The following UHMK1 variants were observed in gnomAD, a reference collection of about 807,000 sequenced individuals.
UHMK1 encodes serine/threonine-protein kinase Kist.
In UHMK1, 18 loss-of-function variants were observed where a neutral mutation model predicts 44.0. That is an observed-to-expected ratio of 0.41 (90% CI 0.28 to 0.61). The LOEUF is 0.61. Among genes scored for constraint, UHMK1 ranks in the 20% least tolerant of loss-of-function variants. The pLI is 0.31. For missense variants in UHMK1, 463 were observed against 522.5 expected (o/e 0.89, Z 1.11); for synonymous variants, 231 against 198.5 (o/e 1.16, Z -1.38).
chr1:162,507,673 G>A (rs1204471634), intron 4 of UHMK1, among the ~76,000 whole-genome samples: 3 of 144,872 alleles, frequency 2.1e-5, no homozygotes, highest in South Asian at 2.2e-4. Flanking sequence ...TGCAAGCTCC[G>A]CCTCCCGGGT....
chr1:162,502,928 AT>A (rs1484996755), intron 3 of UHMK1, among the ~76,000 whole-genome samples: 2 of 139,380 alleles, frequency 1.4e-5, no homozygotes, highest in Non-Finnish European at 3.1e-5. Context: ...TATTTAATAA[AT>A]TTTACTGATA....
chr1:162,499,832 G>C, intron 1 of UHMK1, 123 bp from the exon 2 acceptor site: 1 of 866,566 alleles, frequency 1.2e-6, no homozygotes, highest in Non-Finnish European at 1.7e-6. Context: ...ATAAATTACA[G>C]TGGAAGCTTG....
rs528720863 is a variant in UHMK1 at position 162,509,077 on chromosome 1, G to T, written c.849-3423G>T. Among the ~76,000 whole-genome samples, 4 of 152,182 alleles carry T rather than the reference G, an allele frequency of 2.6e-5. No individual in the cohort carries two copies. In the East Asian group the frequency reaches 5.8e-4, roughly 22 times the overall value. On this transcript the variant is annotated intron_variant, in intron 4 of 7. Transcript: ENST00000489294. ...TGGGATTACAGGCGTGAGCCACCAC[G>T]CACAGTCAGTTATAATCCTTTTTAT... is the stretch of plus-strand genomic sequence containing the variant.
chr1:162,515,912 T>TA (rs1374912600), intron 6 of UHMK1, among the ~76,000 whole-genome samples: 1 of 152,046 alleles, frequency 6.6e-6, no homozygotes, highest in African/African-American at 2.4e-5. Context: ...CGGGCGCCTG[T>TA]AGTCCCAGCT....
At chr1:162,517,778 G>T (rs1006341705) in intron 6 of UHMK1, among the ~76,000 whole-genome samples, 2 of 151,936 alleles carry the variant, frequency 1.3e-5, no homozygotes, top group African/African-American at 4.8e-5. Context: ...CCAGCTACTC[G>T]GGAGGCTGAG....
intron 6 of UHMK1, 103 bp from the exon 7 acceptor site, chr1:162,517,999 A>T (rs1179329880): frequency 5.7e-6 from 4 of 706,668 alleles, no homozygotes; most frequent in African/African-American, 5.4e-5. Context: ...TGACCTCATT[A>T]CTAGTTATGT....
intron 3 of UHMK1, among the ~76,000 whole-genome samples, chr1:162,501,354 G>T (rs1200243289): frequency 6.6e-6 from 1 of 152,122 alleles, no homozygotes; most frequent in African/African-American, 2.4e-5. Flanking sequence ...ATTTTTAGTA[G>T]ACACGGAGTT....
Position 162,501,074 on chromosome 1 carries a change from G to A in UHMK1, c.723G>A (p.Leu241=). The change falls in exon 3 of 8, where the codon CTG becomes CTA. Residue 241 remains leucine, a synonymous_variant. Coordinates refer to ENST00000489294, the MANE Select transcript of UHMK1 (RefSeq NM_175866.5). ...ILLEMFSGMK[L]KHTVRSQEWK... ...TGGAAATGTTCTCAGGAATGAAACT[G>A]AAACATACAGTCAGATCTCAGGAAT... is the stretch of plus-strand genomic sequence containing the variant. 1 of 1,614,036 alleles carries A rather than the reference G, an allele frequency of 6.2e-7. No homozygotes were observed. The highest frequency in any genetic ancestry group is 8.5e-7 in the Non-Finnish European group (1 of 1,180,000).
At chr1:162,506,552 T>A (rs1348807647) in intron 4 of UHMK1, among the ~76,000 whole-genome samples, 1 of 152,200 alleles carries the variant, frequency 6.6e-6, no homozygotes, top group Non-Finnish European at 1.5e-5. Flanking sequence ...ATGTGTCTCA[T>A]CCCAATCTCA....
At chr1:162,497,774 T>G, upstream of UHMK1, 98 of 999,492 alleles carry the variant, frequency 9.8e-5, no homozygotes, top group Non-Finnish European at 1.2e-4. Flanking sequence ...GAGCCCCCCC[T>G]CCTTCGGCCT....
At chr1:162,509,487 C>T (rs1264030219) in intron 4 of UHMK1, among the ~76,000 whole-genome samples, 5 of 152,240 alleles carry the variant, frequency 3.3e-5, no homozygotes, top group Admixed American at 3.3e-4. Context: ...TCTCCAGCAT[C>T]TTGCTGTGCA....
At position 162,524,706 on chromosome 1, in the gene UHMK1, C is replaced by G. The variant is rs1016856405; in HGVS notation, c.*2156C>G. On this transcript the variant is annotated 3_prime_UTR_variant, in exon 8 of 8. Transcript: ENST00000489294. ...CTTCTAAGCCTAGTCCTGCAGTATG[C>G]TGCTAACATCTTGATGCCAATCTTC... 4.6e-5 allele frequency: 7 copies of G among 152,180 alleles called. No homozygotes were observed. Among genetic ancestry groups the G allele is most frequent in the Non-Finnish European group, 1.0e-4 (7 of 68,044 alleles). 9.4% of individuals were successfully genotyped at this position (152,180 alleles called of 1,614,324 possible). A position where few individuals can be genotyped will look rare whatever the true frequency, so the allele number is the denominator to read the frequency against.
At chr1:162,498,389 T>C (rs1651144490) in intron 1 of UHMK1, 121 bp downstream of exon 1, 3 of 1,218,724 alleles carry the variant, frequency 2.5e-6, no homozygotes, top group Non-Finnish European at 2.2e-6. Flanking sequence ...TAGCCCTCTT[T>C]ATCACCCCAT....
intron 7 of UHMK1, among the ~76,000 whole-genome samples, chr1:162,519,680 G>C (rs1025856407): frequency 9.2e-5 from 14 of 152,066 alleles, no homozygotes; most frequent in African/African-American, 3.4e-4. Context: ...TTTATTTTTT[G>C]AGAGATAGAA....
chr1:162,500,427 T>C, intron 2 of UHMK1, 180 bp downstream of exon 2: 1 of 723,718 alleles, frequency 1.4e-6, no homozygotes, highest in Non-Finnish European at 2.2e-6. Context: ...AAAAAGGACA[T>C]AATGTTTGGG....
At chr1:162,508,938 A>G (rs986494358) in intron 4 of UHMK1, among the ~76,000 whole-genome samples, 4 of 152,080 alleles carry the variant, frequency 2.6e-5, no homozygotes, top group East Asian at 1.9e-4. Context: ...GACCACAGGC[A>G]TACACCACCA....
At chr1:162,509,089 A>G (rs1357417496) in intron 4 of UHMK1, among the ~76,000 whole-genome samples, 7 of 152,132 alleles carry the variant, frequency 4.6e-5, no homozygotes, top group Non-Finnish European at 8.8e-5. Flanking sequence ...ACAGTCAGTT[A>G]TAATCCTTTT....
At position 162,497,907 on chromosome 1, in the gene UHMK1, C is replaced by G; in HGVS notation, c.-94C>G. The stretch of plus-strand genomic sequence containing the variant: ...GGCTGCAGGTCCCTCCCTGCGGAGC[C>G]GCTGGTCCGGCTGGCGGAGATGTGA... On this transcript the variant is annotated 5_prime_UTR_variant, in exon 1 of 8. Transcript: ENST00000489294. 7.0e-7 allele frequency: 1 copy of G among 1,429,654 alleles called. No homozygotes were observed. The highest frequency in any genetic ancestry group is 9.1e-7 in the Non-Finnish European group (1 of 1,096,716). The allele number at this position is 1,429,654 out of a possible 1,614,324, so 88.6% of individuals were successfully genotyped here. A position where few individuals can be genotyped will look rare whatever the true frequency, so the allele number is the denominator to read the frequency against.
At chr1:162,497,277 T>G (rs1651080336), upstream of UHMK1, 2 of 702,828 alleles carry the variant, frequency 2.8e-6, no homozygotes, top group East Asian at 5.4e-5. Flanking sequence ...CGAAGGTCTG[T>G]GTTGACCTTA....
Sources: gnomAD v4.1 joint callset for allele counts (sites outside exome capture counted in the v4.1 genomes callset) on GRCh38, gnomAD v4.1.1 for gene constraint, MANE v1.5 for transcripts, NCBI Gene and HGNC (gene_info 2026-07-23, HGNC 2026-07-21) for gene names.